The following GRIN2B variants were observed in gnomAD, a reference collection of about 807,000 sequenced individuals.
GRIN2B encodes the protein glutamate receptor ionotropic, NMDA 2B.
Under a neutral mutation model 114.5 loss-of-function variants are expected in GRIN2B, and 5 were observed. The ratio of observed to expected loss-of-function variants is 0.04; its 90% CI spans 0.02 to 0.09. The LOEUF (loss-of-function observed/expected upper bound fraction) is 0.09, where lower values mean the gene tolerates loss of function less well. Among genes scored for constraint, GRIN2B ranks in the 10% least tolerant of loss-of-function variants. The probability of loss-of-function intolerance (pLI) is 1.00; values close to 1 mark genes in which losing one functional copy is unlikely to be tolerated. For synonymous variants in GRIN2B, 787 were observed against 745.1 expected, an observed-to-expected ratio of 1.06 and a Z score of -0.92; for missense variants, 1,108 against 1,943.5, an observed-to-expected ratio of 0.57 and a Z score of 8.08.
chr12:13,543,792 A>G lies in GRIN2B; in HGVS notation c.*18991T>C, dbSNP rs1425212934. 1 of 152,038 alleles carries G rather than the reference A, an allele frequency of 6.6e-6. No homozygotes were observed. Among genetic ancestry groups the G allele is most frequent in the African/African-American group, 2.4e-5 (1 of 41,384 alleles). The allele number at this position is 152,038 out of a possible 1,614,324, so 9.4% of individuals were successfully genotyped here. On this transcript the variant is annotated 3_prime_UTR_variant, in exon 14 of 14. Coordinates refer to ENST00000609686, the MANE Select transcript of GRIN2B (RefSeq NM_000834.5). ...GAACTCCTTTCATAGTTTACTAAAAATCAATCAGAAAAAGCATACTCCCAT... is the reference window on the plus strand; with the variant it reads ...GAACTCCTTTCATAGTTTACTAAAAGTCAATCAGAAAAAGCATACTCCCAT...
At chr12:13,728,877 T>C (rs1401132140) in intron 4 of GRIN2B, among the ~76,000 whole-genome samples, 1 of 152,230 alleles carries the variant, frequency 6.6e-6, no homozygotes, top group Non-Finnish European at 1.5e-5. Context: ...CTTACTCATT[T>C]ATTTCCTCTG....
intron 5 of GRIN2B, among the ~76,000 whole-genome samples, chr12:13,626,469 G>T (rs1165288755): frequency 6.6e-6 from 1 of 152,032 alleles, no homozygotes; most frequent in African/African-American, 2.4e-5. Flanking sequence ...TCAAATGACA[G>T]TTGTGAGGGT....
chr12:13,807,617 T>C (rs1017162206), intron 3 of GRIN2B, among the ~76,000 whole-genome samples: 4 of 151,918 alleles, frequency 2.6e-5, no homozygotes, highest in African/African-American at 7.3e-5. Flanking sequence ...GAAATTAATC[T>C]TGTCATTTAG....
intron 12 of GRIN2B, among the ~76,000 whole-genome samples, chr12:13,568,509 A>C (rs564793034): frequency 6.6e-6 from 1 of 152,356 alleles, no homozygotes; most frequent in East Asian, 1.9e-4. Flanking sequence ...CACTCCAGCT[A>C]AAACATCCTC....
chr12:13,645,736 C>T (rs1013267433), intron 5 of GRIN2B, among the ~76,000 whole-genome samples: 1 of 151,840 alleles, frequency 6.6e-6, no homozygotes, highest in African/African-American at 2.4e-5. Context: ...GGGATTAGGC[C>T]TCTAGGTAGA....
At chr12:13,786,081 G>A (rs188017227) in intron 3 of GRIN2B, among the ~76,000 whole-genome samples, 1 of 152,284 alleles carries the variant, frequency 6.6e-6, no homozygotes, top group East Asian at 1.9e-4. Context: ...GCCCAGGAAA[G>A]GATAATTGCT....
Position 13,806,241 on chromosome 12 carries a change from A to G in GRIN2B, c.412-52326T>C, listed in dbSNP as rs368786188. On this transcript the variant is annotated intron_variant, in intron 3 of 13. Transcript: ENST00000609686. ...GGTTGCATTTCCTTTGAGATGCCCA[A>G]AAGTGGGATTGCTGGGGTCATTTGG... 3.3e-5 allele frequency among the ~76,000 whole-genome samples: 5 copies of G among 152,138 alleles called. No homozygotes were observed. In the South Asian group the frequency reaches 8.3e-4, roughly 25 times the overall value.
intron 10 of GRIN2B, among the ~76,000 whole-genome samples, chr12:13,594,852 A>T (rs925357697): frequency 4.6e-5 from 7 of 152,092 alleles, no homozygotes; most frequent in Admixed American, 1.3e-4. Context: ...CATTATAAAG[A>T]CTTTCTTCAA....
intron 4 of GRIN2B, among the ~76,000 whole-genome samples, chr12:13,748,074 A>G (rs967599403): frequency 6.6e-6 from 1 of 152,188 alleles, no homozygotes; most frequent in Non-Finnish European, 1.5e-5. Flanking sequence ...ACTCTTCCCC[A>G]TCCCTCAAAG....
chr12:13,590,574 T>A (rs1009285771), intron 10 of GRIN2B, among the ~76,000 whole-genome samples: 2 of 152,208 alleles, frequency 1.3e-5, no homozygotes, highest in South Asian at 4.1e-4. Context: ...GCAAAGGACA[T>A]GAACTCATTT....
In GRIN2B at chr12:13,753,061, G is replaced by A. The variant is rs1482596992; in HGVS notation, c.1010+256C>T. ...AACCTGACTTATAGAGTTATTTTGA[G>A]GATCAAATGAAACCAAACATGCAAA... On this transcript the variant is annotated intron_variant, in intron 4 of 13. Coordinates refer to ENST00000609686, the MANE Select transcript of GRIN2B (RefSeq NM_000834.5). This position sits in a 1 kb window ranked among gnomAD's most constrained non-coding sequence, Gnocchi z 6.2. 6.6e-6 allele frequency among the ~76,000 whole-genome samples: 1 copy of A among 152,156 alleles called. No homozygotes were observed. Among genetic ancestry groups the A allele is most frequent in the African/African-American group, 2.4e-5 (1 of 41,434 alleles).
chr12:13,570,928 T>C (rs1274181228), intron 11 of GRIN2B, among the ~76,000 whole-genome samples: 3 of 152,196 alleles, frequency 2.0e-5, no homozygotes, highest in African/African-American at 4.8e-5. Context: ...ATCCCTGATA[T>C]GAATGAGAAC....
chr12:13,798,681 A>G (rs1417556979), intron 3 of GRIN2B, among the ~76,000 whole-genome samples: 1 of 152,214 alleles, frequency 6.6e-6, no homozygotes, highest in Admixed American at 6.5e-5. Flanking sequence ...TAAGCATTTA[A>G]AATACTTCTT....
intron 2 of GRIN2B, among the ~76,000 whole-genome samples, chr12:13,877,996 G>A (rs143323100): frequency 0.058 from 8,758 of 150,352 alleles, 344 homozygotes; most frequent in Middle Eastern, 0.12. Context: ...CCTGGGAGGC[G>A]GAGGTTCCAA....
Position 13,540,396 on chromosome 12 carries a change from G to A in GRIN2B, c.*22387C>T, listed in dbSNP as rs1448198554. 3.3e-5 allele frequency: 5 copies of A among 150,886 alleles called. No homozygotes were observed. Among genetic ancestry groups the A allele is most frequent in the South Asian group, 2.1e-4 (1 of 4,760 alleles). The allele number at this position is 150,886 out of a possible 1,614,324, so 9.3% of individuals were successfully genotyped here. ...TTTTATGTTGTCTTTTTTTTAATTC[G>A]TTTTAATTTTTGTTCCTGCATCATT... On this transcript the variant is annotated 3_prime_UTR_variant, in exon 14 of 14. Transcript: ENST00000609686.
At position 13,767,385 on chromosome 12, in the gene GRIN2B, A is replaced by G. The variant is rs372427634; in HGVS notation, c.412-13470T>C. ...TACCTAAATGCTATCAGTTCTCAAA[A>G]CTGCCTCCATGTCTGTTAAAGAAAT... On this transcript the variant is annotated intron_variant, in intron 3 of 13. Transcript: ENST00000609686. Among the ~76,000 whole-genome samples the G allele has an allele frequency of 3.3e-5, 5 of 152,142 alleles. No individual in the cohort carries two copies. The East Asian group carries it at 5.8e-4, about 18-fold the overall frequency.
At chr12:13,580,768 G>A (rs183498954) in intron 10 of GRIN2B, among the ~76,000 whole-genome samples, 13 of 152,186 alleles carry the variant, frequency 8.5e-5, no homozygotes, top group East Asian at 3.9e-4. Flanking sequence ...TGCAGTCACC[G>A]CCACAATCAA....
intron 2 of GRIN2B, among the ~76,000 whole-genome samples, chr12:13,950,071 A>G (rs1867452178): frequency 6.6e-6 from 1 of 152,210 alleles, no homozygotes; most frequent in Non-Finnish European, 1.5e-5. Flanking sequence ...AAGAAAAGTT[A>G]CCACTTTAAG....
At chr12:13,648,351 A>G (rs1949782556) in intron 5 of GRIN2B, among the ~76,000 whole-genome samples, 1 of 151,998 alleles carries the variant, frequency 6.6e-6, no homozygotes, top group African/African-American at 2.4e-5. Context: ...AGTAGCATAG[A>G]GAAGTATAAA....
Sources: gnomAD v4.1 joint callset for allele counts (sites outside exome capture counted in the v4.1 genomes callset) on GRCh38, gnomAD v4.1.1 for gene constraint, Gnocchi (gnomAD v3.1) non-coding constraint, MANE v1.5 for transcripts, NCBI Gene and HGNC (gene_info 2026-07-23, HGNC 2026-07-21) for gene names.